Variants in MCOLN2 observed in about 807,000 individuals in gnomAD.
MCOLN2 encodes the protein mucolipin TRP cation channel 2, also known as mucolipin-2.
In MCOLN2, 57 loss-of-function variants were observed where a neutral mutation model predicts 67.5. The ratio of observed to expected loss-of-function variants is 0.84; its 90% CI spans 0.68 to 1.05. The LOEUF is 1.05. Ranked by LOEUF, MCOLN2 falls within the 50% of genes least tolerant of loss-of-function variation. The pLI is 0.00. For synonymous variants in MCOLN2, 246 were observed against 233.3 expected, an observed-to-expected ratio of 1.05 and a Z score of -0.50; for missense variants, 620 against 678.8, an observed-to-expected ratio of 0.91 and a Z score of 0.96.
At chr1:84,970,223 G>A (rs1429597669) in intron 1 of MCOLN2, among the ~76,000 whole-genome samples, 1 of 151,746 alleles carries the variant, frequency 6.6e-6, no homozygotes, top group African/African-American at 2.4e-5. Context: ...GAATTCTCAG[G>A]CCCTTGAGAA....
chr1:84,940,290 T>C (rs961634930), intron 8 of MCOLN2, among the ~76,000 whole-genome samples: 5 of 152,328 alleles, frequency 3.3e-5, no homozygotes, highest in African/African-American at 9.6e-5. Context: ...CAAATGGTAC[T>C]CTGTGGACTT....
At chr1:84,963,133 G>A (rs1044954407) in intron 2 of MCOLN2, among the ~76,000 whole-genome samples, 1 of 152,182 alleles carries the variant, frequency 6.6e-6, no homozygotes, top group African/African-American at 2.4e-5. Flanking sequence ...AGGATTGTAA[G>A]CAAATTACTT....
Position 84,961,376 on chromosome 1 carries a change from A to T in MCOLN2, c.238-2674T>A, listed in dbSNP as rs1649080381. 2.0e-5 allele frequency among the ~76,000 whole-genome samples: 3 copies of T among 152,206 alleles called. No homozygotes were observed. In the South Asian group the frequency reaches 6.2e-4, roughly 31 times the overall value. ...AGGGAATGAAAAAACTGACCATGAAAGTGGTATATAGTTTGCTGATATTTG... is the reference window on the plus strand; with the variant it reads ...AGGGAATGAAAAAACTGACCATGAATGTGGTATATAGTTTGCTGATATTTG... On this transcript the variant is annotated intron_variant, in intron 2 of 13. Coordinates refer to ENST00000370608, the MANE Select transcript of MCOLN2 (RefSeq NM_153259.4).
At chr1:84,996,736 T>C in intron 1 of MCOLN2, 60 bp downstream of exon 1, 2 of 1,475,208 alleles carry the variant, frequency 1.4e-6, no homozygotes, top group Non-Finnish European at 1.9e-6. Flanking sequence ...AGTAAAGCCA[T>C]CGACTTTAGG....
chr1:84,937,843 T>G lies in MCOLN2; in HGVS notation c.1247A>C (p.Lys416Thr). The change falls in exon 11 of 14, where the codon AAA becomes ACA. Residue 416 changes from lysine (K) to threonine (T), a missense_variant. By Grantham distance (78) the Lys-to-Thr change is moderately conservative (BLOSUM62 -1). Coordinates refer to ENST00000370608, the MANE Select transcript of MCOLN2 (RefSeq NM_153259.4). ...LILTMQASLPKVLRFCACAGM... is the reference protein window; with the variant it reads ...LILTMQASLPTVLRFCACAGM... ...AGCACAAGCACAAAACCGAAGAACTTTTGGCAGTGAGGCCTGCATTGTTAA... is the reference window on the plus strand; with the variant it reads ...AGCACAAGCACAAAACCGAAGAACTGTTGGCAGTGAGGCCTGCATTGTTAA... 1 of 1,614,112 alleles carries G rather than the reference T, an allele frequency of 6.2e-7. No individual in the cohort carries two copies. The highest frequency in any genetic ancestry group is 1.3e-5 in the African/African-American group (1 of 75,004).
intron 11 of MCOLN2, among the ~76,000 whole-genome samples, chr1:84,936,363 G>A (rs996290620): frequency 2.0e-5 from 3 of 152,158 alleles, no homozygotes; most frequent in Non-Finnish European, 2.9e-5. Flanking sequence ...AATTAAAGCC[G>A]AATCCTCAGG....
chr1:84,946,926 T>G (rs2102826208), intron 7 of MCOLN2, 107 bp downstream of exon 7: 2 of 619,170 alleles, frequency 3.2e-6, no homozygotes, highest in Non-Finnish European at 5.8e-6. Context: ...CTCGAGGCGG[T>G]TTTCTTCCTA....
chr1:84,942,132 A>C (rs956138761), intron 7 of MCOLN2, among the ~76,000 whole-genome samples: 2 of 152,214 alleles, frequency 1.3e-5, no homozygotes, highest in Non-Finnish European at 2.9e-5. Context: ...CAAGTTCCAA[A>C]TGAAAAATCT....
intron 1 of MCOLN2, among the ~76,000 whole-genome samples, chr1:84,991,285 T>A (rs140711454): frequency 6.6e-6 from 1 of 152,306 alleles, no homozygotes; most frequent in East Asian, 1.9e-4. Flanking sequence ...CAGTAATGAC[T>A]GTGTTGGCCC....
At chr1:84,938,181 T>C in intron 9 of MCOLN2, 99 bp from the exon 10 acceptor site, 1 of 731,564 alleles carries the variant, frequency 1.4e-6, no homozygotes, top group Non-Finnish European at 2.2e-6. Flanking sequence ...AAAAGAACTA[T>C]CTGCCTCCCT....
chr1:84,986,326 A>C (rs975711278), intron 1 of MCOLN2, among the ~76,000 whole-genome samples: 3 of 152,146 alleles, frequency 2.0e-5, no homozygotes, highest in Admixed American at 2.0e-4. Flanking sequence ...AGATCACCTG[A>C]GGTTGGGAGT....
intron 9 of MCOLN2, 48 bp downstream of exon 9, chr1:84,939,505 C>T (rs753941440): frequency 6.3e-7 from 1 of 1,589,318 alleles, no homozygotes; most frequent in East Asian, 2.2e-5. Context: ...TGCCTGTGGC[C>T]ATCCAGGAGA....
chr1:84,936,446 G>A (rs544513473), intron 11 of MCOLN2, among the ~76,000 whole-genome samples: 13 of 152,268 alleles, frequency 8.5e-5, no homozygotes, highest in African/African-American at 3.1e-4. Context: ...CAGAGCATGA[G>A]GCAAGCAAGG....
chr1:84,940,320 G>T (rs971626301), intron 8 of MCOLN2, among the ~76,000 whole-genome samples: 5 of 152,308 alleles, frequency 3.3e-5, no homozygotes, highest in East Asian at 1.9e-4. Flanking sequence ...CCTGACCCCA[G>T]TGTGCATTTG....
At chr1:84,926,748 G>C (rs1482339891) in intron 13 of MCOLN2, 27 bp from the exon 14 acceptor site, 1 of 1,570,314 alleles carries the variant, frequency 6.4e-7, no homozygotes, top group Non-Finnish European at 8.7e-7. Flanking sequence ...AAGAAGAAAA[G>C]AGGAAAGATA....
At chr1:84,938,206 T>G (rs1647548197) in intron 9 of MCOLN2, 124 bp from the exon 10 acceptor site, 2 of 480,332 alleles carry the variant, frequency 4.2e-6, no homozygotes, top group South Asian at 1.6e-4. Flanking sequence ...GTGATAGAGT[T>G]TTTTTTTGAA....
chr1:84,997,049 G>C lies in MCOLN2; in HGVS notation c.-177C>G, dbSNP rs1304861207. 1.5e-5 allele frequency: 9 copies of C among 612,498 alleles called. No homozygotes were observed. The highest frequency in any genetic ancestry group is 2.0e-5 in the Non-Finnish European group (7 of 349,082). The allele number at this position is 612,498 out of a possible 1,614,324, so 37.9% of individuals were successfully genotyped here. On this transcript the variant is annotated 5_prime_UTR_variant, in exon 1 of 14. Coordinates refer to ENST00000370608, the MANE Select transcript of MCOLN2 (RefSeq NM_153259.4). ...GTGGTGCGCGCAGACCCCGGCCCGA[G>C]AGCAGGCGCCGCAGTCGTGGAGTGC... is the stretch of plus-strand genomic sequence containing the variant.
chr1:84,985,451 T>C (rs991318501), intron 1 of MCOLN2, among the ~76,000 whole-genome samples: 1 of 152,150 alleles, frequency 6.6e-6, no homozygotes, highest in African/African-American at 2.4e-5. Context: ...CTTTAAATAC[T>C]CTCTACATGA....
rs1454671998 is a variant in MCOLN2 at position 84,956,465 on chromosome 1, A to G, written c.531T>C (p.Asn177=). Reference sequence around the variant, plus strand: ...CGTCGTTGTCAATATTCAGTGTCTCATTAGAAGGAAACATGGTCCCTTTCT... The same window carrying G: ...CGTCGTTGTCAATATTCAGTGTCTCGTTAGAAGGAAACATGGTCCCTTTCT... ...HYKKGTMFPS[N]ETLNIDNDVE... Residue 177 remains asparagine, a synonymous_variant, in exon 4 of 14, where the codon AAT becomes AAC. Transcript: ENST00000370608. 1 of 1,610,186 alleles carries G rather than the reference A, an allele frequency of 6.2e-7. No homozygotes were observed. The highest frequency in any genetic ancestry group is 1.1e-5 in the South Asian group (1 of 90,196).
Sources: gnomAD v4.1 joint callset for allele counts (sites outside exome capture counted in the v4.1 genomes callset) on GRCh38, gnomAD v4.1.1 for gene constraint, MANE v1.5 for transcripts, NCBI Gene and HGNC (gene_info 2026-07-23, HGNC 2026-07-21) for gene names.